Variants in IQUB observed in about 807,000 individuals in gnomAD.
The protein encoded by IQUB is IQ motif and ubiquitin-like domain-containing protein.
Under a neutral mutation model 86.4 loss-of-function variants are expected in IQUB, and 86 were observed. The ratio of observed to expected loss-of-function variants is 1.00; its 90% CI spans 0.84 to 1.19. The LOEUF (loss-of-function observed/expected upper bound fraction) is 1.19, where lower values mean the gene tolerates loss of function less well. Among genes scored for constraint, IQUB ranks in the 50% most tolerant of loss-of-function variants. The pLI is 0.00. For missense variants in IQUB, 946 were observed against 916.9 expected, an observed-to-expected ratio of 1.03 and a Z score of -0.41; for synonymous variants, 289 against 304.5, an observed-to-expected ratio of 0.95 and a Z score of 0.53.
chr7:123,502,566 T>C, intron 6 of IQUB, 31 bp downstream of exon 6: 1 of 1,590,630 alleles, frequency 6.3e-7, no homozygotes, highest in Non-Finnish European at 8.6e-7. Flanking sequence ...ATCAAATTTT[T>C]AGTATTCATC....
intron 9 of IQUB, among the ~76,000 whole-genome samples, chr7:123,465,343 G>A (rs1435977784): frequency 2.6e-5 from 4 of 151,820 alleles, no homozygotes; most frequent in African/African-American, 9.7e-5. Context: ...TTTATACAGA[G>A]GTGGTAAAAC....
intron 1 of IQUB, among the ~76,000 whole-genome samples, chr7:123,512,831 C>G (rs73222270): frequency 0.11 from 16,722 of 152,064 alleles, 1,213 homozygotes; most frequent in East Asian, 0.18. Flanking sequence ...TCTGCTCCCC[C>G]CAAATAAACC....
chr7:123,504,394 G>C (rs1796084037), intron 3 of IQUB, among the ~76,000 whole-genome samples: 1 of 152,164 alleles, frequency 6.6e-6, no homozygotes, highest in African/African-American at 2.4e-5. Context: ...AGGTTGCAGT[G>C]AGCCAAGATC....
In IQUB at chr7:123,464,459, A is replaced by T. The variant is rs533709112; in HGVS notation, c.1758+374T>A. Among the ~76,000 whole-genome samples, 18 of 152,034 alleles carry T rather than the reference A, an allele frequency of 1.2e-4. No individual in the cohort carries two copies. In the South Asian group the frequency reaches 3.7e-3, roughly 32 times the overall value. On this transcript the variant is annotated intron_variant, in intron 10 of 12. Transcript: ENST00000324698. Reference sequence around the variant, plus strand: ...GGCCTCATGAAGGAGAAGAGATGAGATGAGAATTGAGTCTTAGAAAATGAA... The same window carrying T: ...GGCCTCATGAAGGAGAAGAGATGAGTTGAGAATTGAGTCTTAGAAAATGAA...
At chr7:123,525,838 T>C (rs1797177363) in intron 1 of IQUB, among the ~76,000 whole-genome samples, 1 of 151,032 alleles carries the variant, frequency 6.6e-6, no homozygotes, top group Non-Finnish European at 1.5e-5. Context: ...TGTGGGCATT[T>C]AGTGCTATAA....
rs184715112 is a variant in IQUB, at chr7:123,519,916, T to C, written c.-4-7572A>G. Among the ~76,000 whole-genome samples the C allele has an allele frequency of 7.6e-4, 115 of 152,268 alleles. 1 individual carries two copies. Among genetic ancestry groups the C allele is most frequent in the African/African-American group, 2.6e-3 (107 of 41,548 alleles). On this transcript the variant is annotated intron_variant, in intron 1 of 12. Coordinates refer to ENST00000324698, the MANE Select transcript of IQUB (RefSeq NM_178827.5). Reference sequence around the variant, plus strand: ...GTTGCTCAATAAATATGTACAATTATGTATAAACAAAAATTTTTAAATTTT... The same window carrying C: ...GTTGCTCAATAAATATGTACAATTACGTATAAACAAAAATTTTTAAATTTT...
chr7:123,467,975 A>C (rs1016966591), intron 9 of IQUB, among the ~76,000 whole-genome samples: 16 of 152,244 alleles, frequency 1.1e-4, no homozygotes, highest in Non-Finnish European at 1.9e-4. Flanking sequence ...GGGCAAGGCA[A>C]GTGTTTTCTT....
chr7:123,481,459 A>C (rs1297725761), intron 7 of IQUB, among the ~76,000 whole-genome samples: 4 of 152,086 alleles, frequency 2.6e-5, no homozygotes, highest in Admixed American at 2.6e-4. Flanking sequence ...AAGAAATATG[A>C]AAGACGGGAG....
At chr7:123,463,164 A>T (rs1794083023) in intron 10 of IQUB, among the ~76,000 whole-genome samples, 1 of 151,754 alleles carries the variant, frequency 6.6e-6, no homozygotes, top group Non-Finnish European at 1.5e-5. Flanking sequence ...TATCTTAATT[A>T]ATATATTTAT....
At chr7:123,455,241 G>A (rs947984711) in intron 12 of IQUB, among the ~76,000 whole-genome samples, 2 of 151,924 alleles carry the variant, frequency 1.3e-5, no homozygotes, top group South Asian at 2.1e-4. Context: ...GGGAACATTC[G>A]ATATGCTGCG....
chr7:123,502,382 C>T (rs918348763), intron 6 of IQUB: 1 of 519,170 alleles, frequency 1.9e-6, no homozygotes, highest in African/African-American at 2.0e-5. Context: ...GCTGGGTTTC[C>T]CTAAGAGAAA....
At chr7:123,520,136 C>T (rs1007629306) in intron 1 of IQUB, among the ~76,000 whole-genome samples, 3 of 152,068 alleles carry the variant, frequency 2.0e-5, no homozygotes, top group Non-Finnish European at 2.9e-5. Context: ...ATTGGACACA[C>T]GTGATTATTT....
At chr7:123,493,731 ATGTG>A (rs71161484) in intron 7 of IQUB, among the ~76,000 whole-genome samples, 1,720 of 112,626 alleles carry the variant, frequency 0.015, 22 homozygotes, top group African/African-American at 0.029. Context: ...ATGTGTGTGT[ATGTG>A]TGTGTGTGTG....
intron 1 of IQUB, among the ~76,000 whole-genome samples, chr7:123,518,657 C>T (rs969034338): frequency 7.2e-5 from 11 of 152,126 alleles, no homozygotes; most frequent in East Asian, 1.9e-4. Flanking sequence ...TACAGTGGTG[C>T]GATCTCAGCT....
chr7:123,511,584 TACA>T (rs1796415920), intron 2 of IQUB, among the ~76,000 whole-genome samples: 1 of 152,228 alleles, frequency 6.6e-6, no homozygotes, highest in Admixed American at 6.5e-5. Context: ...GCTATTTAGG[TACA>T]ACAATTAATT....
intron 1 of IQUB, among the ~76,000 whole-genome samples, chr7:123,531,695 T>C (rs1797543357): frequency 6.6e-6 from 1 of 152,254 alleles, no homozygotes; most frequent in African/African-American, 2.4e-5. Context: ...TAAAAATGTA[T>C]TAACCTGCTG....
chr7:123,516,198 A>G (rs1796629041), intron 1 of IQUB, among the ~76,000 whole-genome samples: 1 of 152,222 alleles, frequency 6.6e-6, no homozygotes, highest in Admixed American at 6.5e-5. Flanking sequence ...TTGAAAATCG[A>G]CGAGGCAGGG....
intron 1 of IQUB, among the ~76,000 whole-genome samples, chr7:123,527,570 G>T (rs528729775): frequency 2.0e-5 from 3 of 152,012 alleles, no homozygotes; most frequent in Non-Finnish European, 2.9e-5. Context: ...TGGAGCACCC[G>T]GCCGTGTGAG....
Position 123,516,012 on chromosome 7 carries a change from C to T in IQUB, c.-4-3668G>A, listed in dbSNP as rs143038360. Among the ~76,000 whole-genome samples, 45 of 152,180 alleles carry T rather than the reference C, an allele frequency of 3.0e-4. 1 individual carries two copies. In the East Asian group the frequency reaches 8.3e-3, roughly 28 times the overall value. Reference sequence around the variant, plus strand: ...TGGTAGTGGTTATGCAAACTATATGCGTTTATTAAAATGTATAGCACTGCA... The same window carrying T: ...TGGTAGTGGTTATGCAAACTATATGTGTTTATTAAAATGTATAGCACTGCA... On this transcript the variant is annotated intron_variant, in intron 1 of 12. Transcript: ENST00000324698.
Sources: allele counts gnomAD v4.1 joint callset (sites outside exome capture counted in the v4.1 genomes callset), GRCh38; gene constraint gnomAD v4.1.1; transcripts MANE v1.5; gene names NCBI Gene and HGNC (gene_info 2026-07-23, HGNC 2026-07-21).